PTPRQ: variants seen among roughly 807,000 people sequenced by gnomAD.
PTPRQ encodes protein tyrosine phosphatase receptor type Q.
Under a neutral mutation model 246.0 loss-of-function variants are expected in PTPRQ, and 199 were observed. The observed-to-expected ratio is 0.81, with a 90% CI of 0.72 to 0.91. PTPRQ has a LOEUF of 0.91. Ranked by LOEUF, PTPRQ falls within the 40% of genes least tolerant of loss-of-function variation. The probability of loss-of-function intolerance (pLI) is 0.00; values close to 1 mark genes in which losing one functional copy is unlikely to be tolerated. For synonymous variants in PTPRQ, 869 were observed against 853.2 expected (o/e 1.02, Z -0.32); for missense variants, 2,624 against 2,528.4 (o/e 1.04, Z -0.81).
At chr12:80,613,109 G>T (rs539817220) in intron 28 of PTPRQ, among the ~76,000 whole-genome samples, 2 of 150,460 alleles carry the variant, frequency 1.3e-5, no homozygotes, top group East Asian at 3.9e-4. Context: ...ACATGGAAAG[G>T]GGTGAAATTG....
intron 8 of PTPRQ, 137 bp from the exon 9 acceptor site, chr12:80,484,296 C>G: frequency 9.0e-7 from 1 of 1,109,142 alleles, no homozygotes; most frequent in South Asian, 1.7e-5. Context: ...CATGAGCCAC[C>G]GCACCTAGCC....
At chr12:80,629,816 G>T (rs1899354658) in intron 33 of PTPRQ, among the ~76,000 whole-genome samples, 1 of 152,202 alleles carries the variant, frequency 6.6e-6, no homozygotes, top group Non-Finnish European at 1.5e-5. Flanking sequence ...GCCTAGATCA[G>T]ATTATCAGCA....
chr12:80,651,010 T>C (rs1274710727), intron 37 of PTPRQ, among the ~76,000 whole-genome samples: 1 of 152,090 alleles, frequency 6.6e-6, no homozygotes, highest in Non-Finnish European at 1.5e-5. Flanking sequence ...TCAGGACATA[T>C]TCACTCATAT....
chr12:80,604,567 C>G (rs1898248629), intron 26 of PTPRQ, among the ~76,000 whole-genome samples: 1 of 151,436 alleles, frequency 6.6e-6, no homozygotes, highest in African/African-American at 2.4e-5. Context: ...ATATTCTCCA[C>G]CCTCAGTGAA....
intron 35 of PTPRQ, among the ~76,000 whole-genome samples, chr12:80,645,153 C>T (rs1188738368): frequency 6.6e-6 from 1 of 152,054 alleles, no homozygotes; most frequent in African/African-American, 2.4e-5. Flanking sequence ...TCAGATTCCA[C>T]CTCTCTTTTT....
chr12:80,606,117 C>T (rs963320452), intron 27 of PTPRQ, among the ~76,000 whole-genome samples: 1 of 150,918 alleles, frequency 6.6e-6, no homozygotes, highest in African/African-American at 2.4e-5. Context: ...TGAGGAGGAA[C>T]AGATCTGTAG....
intron 19 of PTPRQ, among the ~76,000 whole-genome samples, chr12:80,535,285 G>C (rs891517604): frequency 3.3e-5 from 5 of 151,974 alleles, no homozygotes; most frequent in African/African-American, 1.2e-4. Context: ...ATTAAAAATA[G>C]TGAATCTGCC....
chr12:80,448,838 T>G (rs1892643307), intron 3 of PTPRQ, among the ~76,000 whole-genome samples: 1 of 148,222 alleles, frequency 6.7e-6, no homozygotes, highest in Admixed American at 6.8e-5. Context: ...TAAACATACG[T>G]GTGCATGTGT....
At chr12:80,521,765 G>C (rs973795643) in intron 17 of PTPRQ, among the ~76,000 whole-genome samples, 3 of 152,156 alleles carry the variant, frequency 2.0e-5, no homozygotes, top group Non-Finnish European at 2.9e-5. Flanking sequence ...GGTTACAGTA[G>C]CCTTGTAGTA....
chr12:80,604,529 T>G (rs1235369600), intron 26 of PTPRQ, among the ~76,000 whole-genome samples: 1 of 151,600 alleles, frequency 6.6e-6, no homozygotes, highest in African/African-American at 2.4e-5. Flanking sequence ...TTTCTAATAA[T>G]AGATCAGAAC....
At chr12:80,664,583 T>C (rs1900729279) in intron 39 of PTPRQ, among the ~76,000 whole-genome samples, 1 of 152,078 alleles carries the variant, frequency 6.6e-6, no homozygotes, top group African/African-American at 2.4e-5. Context: ...ATCTTGATAT[T>C]ATAGGTTTCT....
intron 34 of PTPRQ, among the ~76,000 whole-genome samples, chr12:80,632,734 CCAAA>C: frequency 6.6e-6 from 1 of 152,256 alleles, no homozygotes; most frequent in South Asian, 2.1e-4. Flanking sequence ...CAACCTATCA[CCAAA>C]CAGTGAGCAA....
intron 25 of PTPRQ, among the ~76,000 whole-genome samples, chr12:80,572,124 T>C (rs896738031): frequency 6.6e-6 from 1 of 152,126 alleles, no homozygotes; most frequent in Admixed American, 6.5e-5. Flanking sequence ...CATCTATACA[T>C]GGGGAGAATT....
At chr12:80,476,615 TA>T (rs1225523179) in intron 8 of PTPRQ, among the ~76,000 whole-genome samples, 2 of 152,186 alleles carry the variant, frequency 1.3e-5, no homozygotes, top group Non-Finnish European at 2.9e-5. Flanking sequence ...TCATTATAAA[TA>T]ACATATATGG....
chr12:80,493,560 T>A, intron 10 of PTPRQ, 105 bp downstream of exon 10: 2 of 1,378,260 alleles, frequency 1.5e-6, no homozygotes, highest in Non-Finnish European at 1.9e-6. Context: ...TAATGGTCTT[T>A]GGGCTGGAGT....
intron 37 of PTPRQ, among the ~76,000 whole-genome samples, chr12:80,652,156 A>T (rs1375754815): frequency 6.6e-6 from 1 of 152,132 alleles, no homozygotes; most frequent in Non-Finnish European, 1.5e-5. Flanking sequence ...AGCAAGGTAG[A>T]TAGATAATAT....
chr12:80,450,583 A>C (rs965816822), intron 3 of PTPRQ, among the ~76,000 whole-genome samples: 4 of 151,972 alleles, frequency 2.6e-5, no homozygotes, highest in Admixed American at 2.6e-4. Flanking sequence ...AGTTTTTAGC[A>C]TGAAGCATTG....
intron 3 of PTPRQ, among the ~76,000 whole-genome samples, chr12:80,449,259 T>C (rs936140019): frequency 6.6e-6 from 1 of 151,814 alleles, no homozygotes; most frequent in East Asian, 1.9e-4. Context: ...GAGTTCATTG[T>C]AGGTTCTGGA....
intron 3 of PTPRQ, among the ~76,000 whole-genome samples, chr12:80,453,231 A>C (rs949547813): frequency 2.0e-5 from 3 of 152,028 alleles, no homozygotes; most frequent in Admixed American, 6.6e-5. Context: ...TCCTTTAAGC[A>C]CTTCTCTATA....
Sources: allele counts gnomAD v4.1 joint callset (sites outside exome capture counted in the v4.1 genomes callset), GRCh38; gene constraint gnomAD v4.1.1; transcripts MANE v1.5; gene names NCBI Gene and HGNC (gene_info 2026-07-23, HGNC 2026-07-21).